The following LOC131768270 variants were observed in gnomAD, a reference collection of about 807,000 sequenced individuals.
At chr5:140,567,299 G>A in the LOC131768270 span, 63 of 1,614,042 alleles carry the variant, frequency 3.9e-5, no homozygotes, top group Non-Finnish European at 4.8e-5. Flanking sequence ...CCATGTGGAC[G>A]GCCGAGTGCC....
At chr5:140,568,194 C>G in the LOC131768270 span, 1 of 1,612,696 alleles carries the variant, frequency 6.2e-7, no homozygotes, top group Non-Finnish European at 8.5e-7. Context: ...TGGGCGCCAC[C>G]ACCAGATCCC....
chr5:140,568,486 G>A, the LOC131768270 span: 1 of 325,990 alleles, frequency 3.1e-6, no homozygotes, highest in Non-Finnish European at 6.1e-6. Context: ...CATGAACAGA[G>A]TTGATGAAAG....
the LOC131768270 span, chr5:140,567,358 GT>G: frequency 6.2e-7 from 1 of 1,614,192 alleles, no homozygotes. Context: ...CCAAGCTACT[GT>G]TATGCGCCTT....
At chr5:140,568,328 G>C in the LOC131768270 span, 1 of 901,486 alleles carries the variant, frequency 1.1e-6, no homozygotes, top group Non-Finnish European at 1.7e-6. Context: ...GTACCCCTAG[G>C]AGATGTGAAG....
At chr5:140,566,800 G>T in the LOC131768270 span, 10 of 600,638 alleles carry the variant, frequency 1.7e-5, no homozygotes, top group African/African-American at 1.9e-4. Flanking sequence ...GAGCAGCTCA[G>T]CCTTCAGGTG....
the LOC131768270 span, chr5:140,567,453 T>G: frequency 6.2e-7 from 1 of 1,614,088 alleles, no homozygotes; most frequent in Admixed American, 1.7e-5. Flanking sequence ...TCAGCCCTGC[T>G]CTATGGCGCT....
the LOC131768270 span, chr5:140,565,378 A>G: frequency 6.3e-6 from 1 of 157,764 alleles, no homozygotes; most frequent in Non-Finnish European, 1.4e-5. Context: ...AGAAAGAGGT[A>G]AAGCCCATCC....
At chr5:140,567,651 T>C in the LOC131768270 span, 2 of 1,614,070 alleles carry the variant, frequency 1.2e-6, no homozygotes, top group Non-Finnish European at 1.7e-6. Context: ...GCAGGGGGCC[T>C]TCAAGTTCCC....
chr5:140,567,229 C>G, the LOC131768270 span: 2 of 1,614,194 alleles, frequency 1.2e-6, no homozygotes, highest in Non-Finnish European at 1.7e-6. Flanking sequence ...CCCGCTGGAC[C>G]CTGATGCTAC....
chr5:140,568,406 T>TAAGGTAAC, the LOC131768270 span: 1 of 564,534 alleles, frequency 1.8e-6, no homozygotes, highest in African/African-American at 1.9e-5. Context: ...ACTAAAGAAT[T>TAAGGTAAC]AAGGTAACAT....
chr5:140,567,561 G>C, the LOC131768270 span: 1 of 1,614,094 alleles, frequency 6.2e-7, no homozygotes, highest in African/African-American at 1.3e-5. Context: ...GTGCTCTACT[G>C]CCTCTGCCTC....
the LOC131768270 span, chr5:140,566,652 T>C: frequency 3.3e-5 from 16 of 490,752 alleles, no homozygotes; most frequent in Non-Finnish European, 5.0e-5. Flanking sequence ...AGTATTGGGC[T>C]TTGCTGTGGG....
chr5:140,566,134 T>A, the LOC131768270 span, among the ~76,000 whole-genome samples: 1 of 152,160 alleles, frequency 6.6e-6, no homozygotes, highest in Non-Finnish European at 1.5e-5. Context: ...ACTAATATCT[T>A]AAGTAGTGGT....
At chr5:140,567,381 T>G in the LOC131768270 span, 1 of 1,614,056 alleles carries the variant, frequency 6.2e-7, no homozygotes, top group Admixed American at 1.7e-5. Flanking sequence ...TCCCTTCTGG[T>G]AGGCTGGCAA....
chr5:140,565,373 G>A, the LOC131768270 span: 3 of 158,058 alleles, frequency 1.9e-5, no homozygotes, highest in Non-Finnish European at 4.1e-5. Flanking sequence ...TGGGAAGAAA[G>A]AGGTAAAGCC....
chr5:140,567,650 C>G, the LOC131768270 span: 1 of 1,614,128 alleles, frequency 6.2e-7, no homozygotes, highest in Middle Eastern at 1.7e-4. Context: ...AGCAGGGGGC[C>G]TTCAAGTTCC....
At chr5:140,566,601 T>C in the LOC131768270 span, 1 of 436,562 alleles carries the variant, frequency 2.3e-6, no homozygotes. Context: ...CCTCAAGGGA[T>C]TCCTGGCTGG....
the LOC131768270 span, chr5:140,568,039 C>T: frequency 1.5e-5 from 24 of 1,613,862 alleles, no homozygotes; most frequent in South Asian, 8.8e-5. Context: ...TGGTGGTCAA[C>T]GCCGTGCTCT....
the LOC131768270 span, chr5:140,566,999 C>T: frequency 5.0e-4 from 514 of 1,027,906 alleles, 2 homozygotes; most frequent in African/African-American, 6.0e-3. Flanking sequence ...ACCACCAGCC[C>T]CTTACTCTTC....
Sources: gnomAD v4.1 joint callset for allele counts (sites outside exome capture counted in the v4.1 genomes callset) on GRCh38, gnomAD v4.1.1 for gene constraint, MANE v1.5 for transcripts.